SNX6: variants seen among roughly 807,000 people sequenced by gnomAD.
SNX6 encodes the protein sorting nexin-6.
SNX6 carries 34 observed loss-of-function variants against 63.0 expected under a neutral mutation model. The observed-to-expected ratio is 0.54, with a 90% CI of 0.41 to 0.72. The LOEUF (loss-of-function observed/expected upper bound fraction) is 0.72, where lower values mean the gene tolerates loss of function less well. SNX6 is among the 30% of genes least tolerant of loss of function. The pLI is 0.00. For synonymous variants in SNX6, 170 were observed against 164.2 expected (o/e 1.04, Z -0.27); for missense variants, 398 against 471.4 (o/e 0.84, Z 1.44).
chr14:34,604,191 T>G (rs1882930784), intron 5 of SNX6: 1 of 1,288,462 alleles, frequency 7.8e-7, no homozygotes, highest in South Asian at 1.2e-5. Flanking sequence ...GGGTAGTCAT[T>G]CAGTGAAGAC....
intron 2 of SNX6, among the ~76,000 whole-genome samples, chr14:34,617,123 GTT>G (rs938277490): frequency 9.9e-5 from 15 of 151,392 alleles, no homozygotes; most frequent in African/African-American, 3.7e-4. Context: ...AGTGAGTTCA[GTT>G]TGAAGAAATT....
At chr14:34,615,358 A>G (rs966325549) in intron 2 of SNX6, among the ~76,000 whole-genome samples, 3 of 152,104 alleles carry the variant, frequency 2.0e-5, no homozygotes, top group Non-Finnish European at 2.9e-5. Context: ...AGCAATTGGG[A>G]CCACAGGTGT....
At chr14:34,602,425 T>TAAAAA (rs36102476) in intron 6 of SNX6, among the ~76,000 whole-genome samples, 1 of 138,604 alleles carries the variant, frequency 7.2e-6, no homozygotes, top group Non-Finnish European at 1.6e-5. Flanking sequence ...GAAACTGTCT[T>TAAAAA]AAAAAAAAAA....
At chr14:34,621,951 CTTTTTTTTTT>C (rs1037764907) in intron 2 of SNX6, among the ~76,000 whole-genome samples, 4 of 77,408 alleles carry the variant, frequency 5.2e-5, no homozygotes, top group African/African-American at 2.3e-4. Flanking sequence ...CATGTCTTTC[CTTTTTTTTTT>C]TTTTTTTTTT....
chr14:34,608,091 T>C lies in SNX6; in HGVS notation c.209A>G (p.His70Arg). The change falls in exon 4 of 14, where the codon CAT becomes CGT. Residue 70 changes from histidine (H) to arginine (R), a missense_variant. Transcript: ENST00000362031. ...ATCATGAAGCCAGATAAATTCCTCA[T>C]GTTGCCGAACAACTGAAAACTCGTT... is the stretch of plus-strand genomic sequence containing the variant. ...KQNEFSVVRQ[H>R]EEFIWLHDSF... The C allele has an allele frequency of 6.2e-7, 1 of 1,611,476 alleles. No individual in the cohort carries two copies. Among genetic ancestry groups the C allele is most frequent in the Non-Finnish European group, 8.5e-7 (1 of 1,178,326 alleles).
intron 5 of SNX6, chr14:34,604,233 A>T: frequency 7.8e-7 from 1 of 1,288,678 alleles, no homozygotes; most frequent in Non-Finnish European, 1.0e-6. Flanking sequence ...TGGAGGTAGC[A>T]GTAGAATAAA....
intron 5 of SNX6, 93 bp downstream of exon 5, chr14:34,605,503 C>T: frequency 9.4e-7 from 1 of 1,063,544 alleles, no homozygotes; most frequent in Non-Finnish European, 1.3e-6. Flanking sequence ...GATGGGATAT[C>T]AGAAAACACC....
chr14:34,591,065 T>C (rs1468159177), intron 8 of SNX6, among the ~76,000 whole-genome samples: 2 of 152,084 alleles, frequency 1.3e-5, no homozygotes, highest in African/African-American at 4.8e-5. Context: ...TGCCTGGGGA[T>C]AGGGCAGGAG....
At chr14:34,566,017 G>A (rs1289241122) in intron 13 of SNX6, among the ~76,000 whole-genome samples, 1 of 151,284 alleles carries the variant, frequency 6.6e-6, no homozygotes, top group Non-Finnish European at 1.5e-5. Context: ...AGAGGACAGG[G>A]TTTCACCATG....
chr14:34,583,233 C>T (rs868539434), intron 9 of SNX6, among the ~76,000 whole-genome samples: 4 of 152,016 alleles, frequency 2.6e-5, no homozygotes, highest in Admixed American at 2.0e-4. Context: ...GGTGTGAACC[C>T]GGGAGGTGGA....
intron 2 of SNX6, among the ~76,000 whole-genome samples, chr14:34,619,856 C>T (rs1276622151): frequency 6.6e-6 from 1 of 152,068 alleles, no homozygotes; most frequent in African/African-American, 2.4e-5. Context: ...AATTCCCATA[C>T]TCAGGATCTA....
At chr14:34,619,656 C>T (rs1285353451) in intron 2 of SNX6, among the ~76,000 whole-genome samples, 2 of 152,068 alleles carry the variant, frequency 1.3e-5, no homozygotes, top group African/African-American at 4.8e-5. Context: ...AAATTAACTG[C>T]TTCCTGCTTT....
intron 9 of SNX6, among the ~76,000 whole-genome samples, chr14:34,582,992 G>A (rs1030590764): frequency 6.6e-6 from 1 of 151,248 alleles, no homozygotes; most frequent in Non-Finnish European, 1.5e-5. Context: ...GTGCAATCCT[G>A]TAATTAAACT....
chr14:34,568,465 G>A (rs1383370082), intron 11 of SNX6, among the ~76,000 whole-genome samples: 3 of 151,858 alleles, frequency 2.0e-5, no homozygotes, highest in South Asian at 2.1e-4. Flanking sequence ...TCTTGACCTC[G>A]TGATCCACCC....
intron 3 of SNX6, among the ~76,000 whole-genome samples, chr14:34,608,414 C>T (rs369985339): frequency 1.3e-5 from 2 of 152,128 alleles, no homozygotes; most frequent in African/African-American, 4.8e-5. Flanking sequence ...CATCCTGCCT[C>T]GGCCTCCCAA....
At chr14:34,613,344 T>C (rs976742329) in intron 2 of SNX6, among the ~76,000 whole-genome samples, 6 of 152,244 alleles carry the variant, frequency 3.9e-5, no homozygotes, top group Non-Finnish European at 8.8e-5. Flanking sequence ...CCATCAAGTT[T>C]GTGGTAACTT....
intron 9 of SNX6, among the ~76,000 whole-genome samples, chr14:34,585,276 T>C (rs1882107673): frequency 6.6e-6 from 1 of 152,040 alleles, no homozygotes; most frequent in Admixed American, 6.6e-5. Context: ...TCCCAGCACT[T>C]TGGGAGGCTG....
At position 34,618,190 on chromosome 14, in the gene SNX6, A is replaced by G. The variant is rs142006933; in HGVS notation, c.55-8448T>C. ...TATTCCCTACAGGGCCACTACTATG[A>G]TATCATTAAACTAGAAATCATTTCT... is the stretch of plus-strand genomic sequence containing the variant. On this transcript the variant is annotated intron_variant, in intron 2 of 13. Transcript: ENST00000362031. Among the ~76,000 whole-genome samples, 369 of 152,210 alleles carry G rather than the reference A, an allele frequency of 2.4e-3. 2 individuals carry two copies. The highest frequency in any genetic ancestry group is 8.3e-3 in the African/African-American group (343 of 41,516).
intron 2 of SNX6, 184 bp downstream of exon 2, chr14:34,629,723 C>G (rs1161656143): frequency 1.0e-6 from 1 of 1,004,818 alleles, no homozygotes; most frequent in Admixed American, 2.2e-5. Flanking sequence ...GGAATCGGAG[C>G]CGAGCGGCCC....
Sources: gnomAD v4.1 joint callset for allele counts (sites outside exome capture counted in the v4.1 genomes callset) on GRCh38, gnomAD v4.1.1 for gene constraint, MANE v1.5 for transcripts, NCBI Gene and HGNC (gene_info 2026-07-23, HGNC 2026-07-21) for gene names.